The following MUC12 variants were observed in gnomAD, a reference collection of about 807,000 sequenced individuals.
MUC12 encodes the protein mucin-12.
A neutral mutation model predicts 230.8 loss-of-function variants in MUC12; 172 were observed. The observed-to-expected ratio is 0.75, with a 90% CI of 0.66 to 0.85. The LOEUF (loss-of-function observed/expected upper bound fraction) is 0.85. MUC12 is among the 40% of genes least tolerant of loss of function. The pLI, the probability that MUC12 is intolerant of heterozygous loss-of-function variation, is 0.00. For missense variants in MUC12, 3,506 were observed against 5,920.6 expected, an observed-to-expected ratio of 0.59 and a Z score of 13.38; for synonymous variants, 1,259 against 2,401.9, an observed-to-expected ratio of 0.52 and a Z score of 13.91.
At position 100,992,566 on chromosome 7, in the gene MUC12, T is replaced by G. The variant is rs778779010; in HGVS notation, c.2003T>G (p.Ile668Ser). 2 of 1,537,744 alleles carry G rather than the reference T, an allele frequency of 1.3e-6. No homozygotes were observed. Among genetic ancestry groups the G allele is most frequent in the Non-Finnish European group, 1.7e-6 (2 of 1,147,018 alleles). Residue 668 changes from isoleucine (I) to serine (S), a missense_variant, in exon 2 of 12, where the codon ATT becomes AGT. Transcript: ENST00000536621. ...ACCTCCCACGGCAGCCCGAGCTCAA[T>G]TCCAACAACCCACATTTCTGCCCGC... is the stretch of plus-strand genomic sequence containing the variant. ...STTSHGSPSS[I>S]PTTHISARST...
In MUC12 at chr7:100,991,343, C is replaced by A. The variant is rs1415182522; in HGVS notation, c.780C>A (p.His260Gln). 26 of 1,537,678 alleles carry A rather than the reference C, an allele frequency of 1.7e-5. No individual in the cohort carries two copies. Among genetic ancestry groups the A allele is most frequent in the Non-Finnish European group, 2.0e-5 (23 of 1,147,036 alleles). ...TCCACAGCAGCACTGGATCGCCACACACAACACTGTCCCCTTCCAGCTCTA... is the reference window on the plus strand; with the variant it reads ...TCCACAGCAGCACTGGATCGCCACAAACAACACTGTCCCCTTCCAGCTCTA... ...TPVHSSTGSP[H>Q]TTLSPSSSTT... The change falls in exon 2 of 12, where the codon CAC becomes CAA. Residue 260 changes from histidine (H) to glutamine (Q), a missense_variant. His to Gln is a conservative substitution (Grantham distance 24, BLOSUM62 0). Transcript: ENST00000536621.
chr7:100,970,865 CGG>C (rs1792863668), intron 1 of MUC12, among the ~76,000 whole-genome samples: 3 of 152,046 alleles, frequency 2.0e-5, no homozygotes, highest in Non-Finnish European at 2.9e-5. Flanking sequence ...GGCGAGGTGG[CGG>C]GCACCTGTAG....
Position 100,991,448 on chromosome 7 carries a change from A to G in MUC12, c.885A>G (p.Thr295=). The change falls in exon 2 of 12, where the codon ACA becomes ACG. Residue 295 remains threonine (T), a synonymous_variant. Transcript: ENST00000536621. The part of the protein sequence containing the change: ...KDTSPAPSGT[T]SAFVKLSTTY... ...CTTCGCCTGCACCTTCTGGTACCAC[A>G]TCAGCCTTTGTTAAACTATCTACAA... 1 of 1,537,818 alleles carries G rather than the reference A, an allele frequency of 6.5e-7. No individual in the cohort carries two copies. Among genetic ancestry groups the G allele is most frequent in the Non-Finnish European group, 8.7e-7 (1 of 1,147,042 alleles).
At chr7:101,014,245 C>A in intron 9 of MUC12, 171 bp downstream of exon 9, 1 of 659,820 alleles carries the variant, frequency 1.5e-6, no homozygotes, top group Non-Finnish European at 2.4e-6. Context: ...CAAAGGGCGG[C>A]CTTCCTGTAG....
chr7:100,981,121 C>A (rs1793098289), intron 1 of MUC12, among the ~76,000 whole-genome samples: 1 of 152,118 alleles, frequency 6.6e-6, no homozygotes, highest in Admixed American at 6.5e-5. Flanking sequence ...TTCTTTGCTT[C>A]CTGGTGAAAT....
At chr7:101,010,481 C>A (rs1012797332) in intron 5 of MUC12, among the ~76,000 whole-genome samples, 5 of 152,042 alleles carry the variant, frequency 3.3e-5, no homozygotes, top group Admixed American at 2.6e-4. Context: ...GGACTACAGG[C>A]CTGCGCCATC....
chr7:101,009,019 G>C, intron 4 of MUC12, 76 bp from the exon 5 acceptor site: 1 of 1,487,562 alleles, frequency 6.7e-7, no homozygotes, highest in East Asian at 2.5e-5. Context: ...AGGTGCCTAG[G>C]GCTGCCTCAA....
chr7:101,008,572 C>G (rs957693791), intron 3 of MUC12, 62 bp from the exon 4 acceptor site: 2 of 1,491,108 alleles, frequency 1.3e-6, no homozygotes, highest in African/African-American at 2.8e-5. Flanking sequence ...GAGAATGTAT[C>G]AATCCTGGGG....
At chr7:100,977,926 G>A (rs758434497) in intron 1 of MUC12, among the ~76,000 whole-genome samples, 4 of 152,012 alleles carry the variant, frequency 2.6e-5, no homozygotes, top group African/African-American at 4.8e-5. Context: ...ACATCACTCC[G>A]ATCTCTGCCT....
At position 101,004,992 on chromosome 7, in the gene MUC12, C is replaced by G. The variant is rs372309092; in HGVS notation, c.14429C>G (p.Pro4810Arg). The stretch of plus-strand genomic sequence containing the variant: ...GGCTCAACTGAGACAACACTGTCCC[C>G]TGGCAGCATCACAACTTCATCTTTT... ...KPGSTETTLS[P>R]GSITTSSFAQ... The change falls in exon 2 of 12, where the codon CCT (proline) becomes CGT (arginine). Residue 4810 changes from proline to arginine, a missense_variant. By Grantham distance (103) the Pro-to-Arg change is moderately radical (BLOSUM62 -2). Transcript: ENST00000536621. The G allele has an allele frequency of 2.0e-6, 3 of 1,537,602 alleles. No homozygotes were observed. The highest frequency in any genetic ancestry group is 2.7e-5 in the African/African-American group (2 of 73,048).
intron 1 of MUC12, among the ~76,000 whole-genome samples, chr7:100,988,967 T>C (rs1793236301): frequency 6.6e-6 from 1 of 152,132 alleles, no homozygotes; most frequent in Admixed American, 6.6e-5. Flanking sequence ...TCTTGCCTGC[T>C]GCCAAGTAAG....
chr7:101,005,288 C>T lies in MUC12; in HGVS notation c.14725C>T (p.His4909Tyr), dbSNP rs1361189281. 6.5e-7 allele frequency: 1 copy of T among 1,537,958 alleles called. No individual in the cohort carries two copies. The highest frequency in any genetic ancestry group is 8.7e-7 in the Non-Finnish European group (1 of 1,147,068). ...TDIGQESTAF[H>Y]SSSDATGTTP... Reference sequence around the variant, plus strand: ...CATTGGTCAGGAATCAACAGCCTTCCACAGCAGCTCAGACGCAACTGGAAC... The same window carrying T: ...CATTGGTCAGGAATCAACAGCCTTCTACAGCAGCTCAGACGCAACTGGAAC... The change falls in exon 2 of 12, where the codon CAC becomes TAC. Residue 4909 changes from histidine to tyrosine, a missense_variant. Transcript: ENST00000536621.
intron 3 of MUC12, among the ~76,000 whole-genome samples, chr7:101,007,234 C>G (rs1391587940): frequency 1.3e-5 from 2 of 152,262 alleles, no homozygotes; most frequent in Non-Finnish European, 2.9e-5. Flanking sequence ...GCTGGGATTA[C>G]AGGCATGAGC....
Position 101,004,797 on chromosome 7 carries a change from C to G in MUC12, c.14234C>G (p.Ser4745Cys), listed in dbSNP as rs190457623. 7.6e-5 allele frequency: 117 copies of G among 1,537,704 alleles called. 1 individual carries two copies. In the East Asian group the frequency reaches 1.3e-3, roughly 17 times the overall value. The change falls in exon 2 of 12, where the codon TCC becomes TGC. Residue 4745 changes from serine (S) to cysteine (C), a missense_variant. Transcript: ENST00000536621. ...AAATCTACCATCCTTTACAGTAGCT[C>G]CAGATCACCAGACCAAACACTCTCA... ...SAKSTILYSS[S>C]RSPDQTLSPA...
chr7:100,976,080 G>A (rs1004497491), intron 1 of MUC12, among the ~76,000 whole-genome samples: 4 of 152,154 alleles, frequency 2.6e-5, no homozygotes, highest in Non-Finnish European at 4.4e-5. Context: ...TCGCTTGAGG[G>A]CAGGAGTTTG....
chr7:101,008,578 T>C, intron 3 of MUC12, 56 bp from the exon 4 acceptor site: 3 of 1,517,134 alleles, frequency 2.0e-6, no homozygotes, highest in South Asian at 1.3e-5. Flanking sequence ...GTATCAATCC[T>C]GGGGGACATT....
At position 101,005,180 on chromosome 7, in the gene MUC12, A is replaced by G; in HGVS notation, c.14617A>G (p.Ile4873Val). The change falls in exon 2 of 12, where the codon ATT (isoleucine) becomes GTT (valine). Residue 4873 changes from isoleucine (I) to valine (V), a missense_variant. Ile to Val is a conservative substitution (Grantham distance 29, BLOSUM62 3). Coordinates refer to ENST00000536621, the MANE Select transcript of MUC12 (RefSeq NM_001164462.2). Reference protein sequence around the residue: ...TAFSHSNTMSIHSQQSTPFPD... With the variant: ...TAFSHSNTMSVHSQQSTPFPD... ...GTTTTCTCACAGCAACACAATGTCC[A>G]TTCATAGTCAACAATCTACACCCTT... is the stretch of plus-strand genomic sequence containing the variant. 3 of 1,537,582 alleles carry G rather than the reference A, an allele frequency of 2.0e-6. No homozygotes were observed. Among genetic ancestry groups the G allele is most frequent in the African/African-American group, 1.4e-5 (1 of 73,010 alleles).
chr7:100,971,181 C>CAAAAA (rs112472454), intron 1 of MUC12, among the ~76,000 whole-genome samples: 38 of 104,208 alleles, frequency 3.6e-4, no homozygotes, highest in South Asian at 2.9e-3. Context: ...AAGAAACAAA[C>CAAAAA]AAAAAAAAAA....
At chr7:100,973,975 A>G (rs1160123376) in intron 1 of MUC12, among the ~76,000 whole-genome samples, 1 of 151,670 alleles carries the variant, frequency 6.6e-6, no homozygotes, top group Non-Finnish European at 1.5e-5. Flanking sequence ...CAACATAGGG[A>G]GACCCCATCT....
Sources: allele counts gnomAD v4.1 joint callset (sites outside exome capture counted in the v4.1 genomes callset), GRCh38; gene constraint gnomAD v4.1.1; transcripts MANE v1.5; gene names NCBI Gene and HGNC (gene_info 2026-07-23, HGNC 2026-07-21).